The following AK5 variants were observed in gnomAD, a reference collection of about 807,000 sequenced individuals.
The protein encoded by AK5 is adenylate kinase isoenzyme 5.
Under a neutral mutation model 69.5 loss-of-function variants are expected in AK5, and 27 were observed. The observed-to-expected ratio is 0.39, with a 90% CI of 0.29 to 0.54. The LOEUF (loss-of-function observed/expected upper bound fraction) is 0.54, where lower values mean the gene tolerates loss of function less well. AK5 is among the 20% of genes least tolerant of loss of function. AK5 has a pLI of 0.71. For missense variants in AK5, 531 were observed against 700.4 expected, an observed-to-expected ratio of 0.76 and a Z score of 2.73; for synonymous variants, 260 against 244.4, an observed-to-expected ratio of 1.06 and a Z score of -0.60.
chr1:77,456,762 A>G (rs534600132), intron 8 of AK5, among the ~76,000 whole-genome samples: 1 of 152,250 alleles, frequency 6.6e-6, no homozygotes, highest in African/African-American at 2.4e-5. Flanking sequence ...ACTGAAGCCT[A>G]AAGCCTGCTC....
At chr1:77,306,053 G>T (rs1171160400) in intron 5 of AK5, among the ~76,000 whole-genome samples, 4 of 151,746 alleles carry the variant, frequency 2.6e-5, no homozygotes, top group African/African-American at 9.7e-5. Flanking sequence ...GAGATTGTTT[G>T]GTTAATTCCT....
At chr1:77,336,031 G>A (rs1661340092) in intron 5 of AK5, among the ~76,000 whole-genome samples, 1 of 149,962 alleles carries the variant, frequency 6.7e-6, no homozygotes. Context: ...TGTATTCATT[G>A]TATGTTTTTT....
intron 8 of AK5, among the ~76,000 whole-genome samples, chr1:77,463,231 T>C (rs893420286): frequency 6.6e-6 from 1 of 152,182 alleles, no homozygotes; most frequent in African/African-American, 2.4e-5. Context: ...TCTCTCCTTC[T>C]CTGGGGAGGA....
intron 13 of AK5, among the ~76,000 whole-genome samples, chr1:77,545,285 C>T (rs898393101): frequency 6.6e-6 from 1 of 152,012 alleles, no homozygotes; most frequent in Non-Finnish European, 1.5e-5. Flanking sequence ...CTCATTCTTT[C>T]TCTCTGAAAT....
chr1:77,309,651 A>G (rs968913323), intron 5 of AK5, among the ~76,000 whole-genome samples: 2 of 152,016 alleles, frequency 1.3e-5, no homozygotes, highest in South Asian at 4.1e-4. Flanking sequence ...TTTTTATTTT[A>G]TTTATCTGAT....
At chr1:77,484,539 A>G (rs535247039) in intron 9 of AK5, among the ~76,000 whole-genome samples, 2 of 152,216 alleles carry the variant, frequency 1.3e-5, no homozygotes, top group Admixed American at 6.5e-5. Flanking sequence ...GAGGAGAGGT[A>G]CAAATATATG....
At chr1:77,494,377 G>C (rs1254119704) in intron 10 of AK5, among the ~76,000 whole-genome samples, 1 of 152,168 alleles carries the variant, frequency 6.6e-6, no homozygotes, top group Non-Finnish European at 1.5e-5. Context: ...TGCTTGTTTA[G>C]AGAGCCACTC....
At chr1:77,393,257 C>A (rs1278466240) in intron 6 of AK5, among the ~76,000 whole-genome samples, 1 of 152,136 alleles carries the variant, frequency 6.6e-6, no homozygotes, top group Admixed American at 6.5e-5. Flanking sequence ...AGCTAGTTGT[C>A]AGGGCATAAT....
chr1:77,314,136 T>C (rs1473427293), intron 5 of AK5: 1 of 322,850 alleles, frequency 3.1e-6, no homozygotes, highest in East Asian at 8.3e-5. Context: ...AATCTTATGA[T>C]ATGAATTGAA....
At chr1:77,549,640 C>G (rs1659720972) in intron 13 of AK5, among the ~76,000 whole-genome samples, 1 of 152,140 alleles carries the variant, frequency 6.6e-6, no homozygotes, top group Non-Finnish European at 1.5e-5. Context: ...TACTATCTGT[C>G]TCCATGAGTT....
intron 5 of AK5, among the ~76,000 whole-genome samples, chr1:77,330,972 T>A (rs1661058060): frequency 6.6e-6 from 1 of 152,136 alleles, no homozygotes; most frequent in Non-Finnish European, 1.5e-5. Flanking sequence ...TATTTTTATT[T>A]CCATTTTAAG....
At chr1:77,308,146 C>G (rs1261616239) in intron 5 of AK5, among the ~76,000 whole-genome samples, 2 of 152,076 alleles carry the variant, frequency 1.3e-5, no homozygotes, top group Non-Finnish European at 2.9e-5. Flanking sequence ...GAGCTGTTAT[C>G]ATGGAAGAAA....
chr1:77,419,935 T>C (rs1186561982), intron 8 of AK5, among the ~76,000 whole-genome samples: 1 of 152,182 alleles, frequency 6.6e-6, no homozygotes, highest in Non-Finnish European at 1.5e-5. Context: ...ATCTACTCTT[T>C]TTTCATTTAA....
intron 12 of AK5, among the ~76,000 whole-genome samples, chr1:77,530,359 C>T (rs1363663069): frequency 2.0e-5 from 3 of 152,200 alleles, no homozygotes; most frequent in Admixed American, 6.5e-5. Flanking sequence ...CCAGATATTC[C>T]TCCTCTAGTG....
chr1:77,433,915 T>C lies in AK5; in HGVS notation c.1059+16200T>C, dbSNP rs578189060. Among the ~76,000 whole-genome samples, 10 of 151,654 alleles carry C rather than the reference T, an allele frequency of 6.6e-5. No individual in the cohort carries two copies. The East Asian group carries it at 7.7e-4, about 12-fold the overall frequency. On this transcript the variant is annotated intron_variant, in intron 8 of 13. Transcript: ENST00000354567. Reference sequence around the variant, plus strand: ...TTATTTAGTACATAATTTTTATTTATTTTATTATCTAATAACTTTGATCTT... The same window carrying C: ...TTATTTAGTACATAATTTTTATTTACTTTATTATCTAATAACTTTGATCTT...
chr1:77,558,148 G>C (rs1173092902), intron 13 of AK5, among the ~76,000 whole-genome samples: 1 of 152,164 alleles, frequency 6.6e-6, no homozygotes, highest in Non-Finnish European at 1.5e-5. Flanking sequence ...AATTATGCAT[G>C]AAGTTGCTGT....
At chr1:77,473,602 CT>C (rs1570207585) in intron 8 of AK5, among the ~76,000 whole-genome samples, 1 of 152,284 alleles carries the variant, frequency 6.6e-6, no homozygotes, top group South Asian at 2.1e-4. Flanking sequence ...CTGGAGAAAT[CT>C]ACTGATTGTA....
At chr1:77,282,752 G>A in intron 1 of AK5, 1 of 1,021,226 alleles carries the variant, frequency 9.8e-7, no homozygotes, top group Non-Finnish European at 1.2e-6. Flanking sequence ...AGCGAGTAAA[G>A]ACTCGAAACT....
intron 8 of AK5, among the ~76,000 whole-genome samples, chr1:77,432,667 T>TA (rs1233905052): frequency 6.6e-6 from 1 of 152,220 alleles, no homozygotes; most frequent in Non-Finnish European, 1.5e-5. Context: ...GTGACCCATT[T>TA]AAAAAATTCT....
Sources: gnomAD v4.1 joint callset for allele counts (sites outside exome capture counted in the v4.1 genomes callset) on GRCh38, gnomAD v4.1.1 for gene constraint, MANE v1.5 for transcripts, NCBI Gene and HGNC (gene_info 2026-07-23, HGNC 2026-07-21) for gene names.